The following ANP32A variants were observed in gnomAD, a reference collection of about 807,000 sequenced individuals.
ANP32A encodes the protein acidic leucine-rich nuclear phosphoprotein 32 family member A.
ANP32A carries 1 observed loss-of-function variant against 33.9 expected under a neutral mutation model. The observed-to-expected ratio is 0.03, with a 90% confidence interval of 0.01 to 0.14. ANP32A has a LOEUF of 0.14. ANP32A is among the 10% of genes least tolerant of loss of function. The probability of loss-of-function intolerance (pLI) is 1.00; values close to 1 mark genes in which losing one functional copy is unlikely to be tolerated. For synonymous variants in ANP32A, 115 were observed against 120.5 expected (o/e 0.95, Z 0.30); for missense variants, 155 against 306.0 (o/e 0.51, Z 3.68).
At chr15:68,781,422 C>G (rs1187733659) in intron 5 of ANP32A, 1 of 138,524 alleles carries the variant, frequency 7.2e-6, no homozygotes, top group African/African-American at 2.7e-5. Context: ...ACTCCTGTGA[C>G]AGGAAGAGGA....
intron 1 of ANP32A, among the ~76,000 whole-genome samples, chr15:68,809,123 A>G (rs1345115337): frequency 6.6e-6 from 1 of 152,194 alleles, no homozygotes; most frequent in African/African-American, 2.4e-5. Flanking sequence ...CCCAGGGGTG[A>G]CTGGAGGGGA....
In ANP32A at chr15:68,787,524, G is replaced by A. The variant is rs759411938; in HGVS notation, c.216C>T (p.Ser72=). ...KLNKLKKLEL[S]DNRVSGGLEV... Reference sequence around the variant, plus strand: ...CCAGGCCCCCTGAGACTCTGTTATCGCTTAGTTCAAGCTAAATAAGGCAGG... The same window carrying A: ...CCAGGCCCCCTGAGACTCTGTTATCACTTAGTTCAAGCTAAATAAGGCAGG... The change falls in exon 3 of 7, where the codon AGC becomes AGT. Residue 72 remains serine (S), a synonymous_variant. Transcript: ENST00000465139. 7.4e-6 allele frequency: 12 copies of A among 1,614,104 alleles called. No individual in the cohort carries two copies. Among genetic ancestry groups the A allele is most frequent in the South Asian group, 3.3e-5 (3 of 91,084 alleles).
intron 1 of ANP32A, among the ~76,000 whole-genome samples, chr15:68,815,183 T>C (rs888428982): frequency 2.6e-5 from 4 of 152,152 alleles, no homozygotes; most frequent in Non-Finnish European, 5.9e-5. Context: ...CCCAAATATA[T>C]GGCTTGCCAT....
At chr15:68,784,369 C>A (rs1893906777) in intron 4 of ANP32A, 28 bp downstream of exon 4, 2 of 1,609,228 alleles carry the variant, frequency 1.2e-6, no homozygotes. Flanking sequence ...TGGGCCCCTG[C>A]AGCCCTGGGC....
intron 1 of ANP32A, among the ~76,000 whole-genome samples, chr15:68,807,438 G>GC (rs58853123): frequency 2.0e-5 from 3 of 146,370 alleles, no homozygotes. Context: ...GGGGGGGGGG[G>GC]AGTCTCTCCT....
intron 1 of ANP32A, among the ~76,000 whole-genome samples, chr15:68,820,190 G>C (rs1472357871): frequency 1.3e-5 from 2 of 152,126 alleles, no homozygotes; most frequent in African/African-American, 2.4e-5. Flanking sequence ...GTGTGCGAGC[G>C]AGCGAGCGAG....
intron 1 of ANP32A, chr15:68,812,902 A>G (rs571142494): frequency 3.9e-5 from 6 of 152,358 alleles, no homozygotes; most frequent in African/African-American, 1.4e-4. Context: ...TTCAGAATGG[A>G]GAAAACAGAG....
At chr15:68,795,956 G>C (rs1367576118) in intron 1 of ANP32A, among the ~76,000 whole-genome samples, 3 of 152,278 alleles carry the variant, frequency 2.0e-5, no homozygotes, top group South Asian at 4.1e-4. Flanking sequence ...AACTGTTTTG[G>C]GGTCTGAAGA....
chr15:68,820,632 G>GCACA (rs35802209), intron 1 of ANP32A, 66 bp downstream of exon 1: 11,494 of 914,960 alleles, frequency 0.013, 47 homozygotes, highest in African/African-American at 0.039. Flanking sequence ...CCCCCAGCGC[G>GCACA]CACACACACA....
rs1044270933 is a variant in ANP32A at position 68,820,814 on chromosome 15, C to T, written c.-63G>A. The T allele has an allele frequency of 1.9e-6, 3 of 1,601,720 alleles. No individual in the cohort carries two copies. The African/African-American group carries it at 4.0e-5, about 21-fold the overall frequency. On this transcript the variant is annotated 5_prime_UTR_variant, in exon 1 of 7. Coordinates refer to ENST00000465139, the MANE Select transcript of ANP32A (RefSeq NM_006305.4). The stretch of plus-strand genomic sequence containing the variant: ...CGGAATTCAATCAATAAACCCCGAA[C>T]CCACGGCCGCGCGTTTTAGGACTTT...
chr15:68,788,296 C>G (rs890209723), intron 1 of ANP32A, among the ~76,000 whole-genome samples: 1 of 152,226 alleles, frequency 6.6e-6, no homozygotes, highest in African/African-American at 2.4e-5. Context: ...CATGCACCAG[C>G]CACAGCATTG....
At chr15:68,816,078 C>T (rs1342944825) in intron 1 of ANP32A, among the ~76,000 whole-genome samples, 1 of 152,198 alleles carries the variant, frequency 6.6e-6, no homozygotes, top group African/African-American at 2.4e-5. Context: ...CAGTGCAAGG[C>T]TTCATAAAAT....
intron 1 of ANP32A, among the ~76,000 whole-genome samples, chr15:68,798,386 C>G (rs1894089495): frequency 6.6e-6 from 1 of 152,224 alleles, no homozygotes; most frequent in Non-Finnish European, 1.5e-5. Flanking sequence ...CATCCCACAG[C>G]CGTGGTGTAA....
chr15:68,792,639 C>T (rs1326725231), intron 1 of ANP32A, among the ~76,000 whole-genome samples: 3 of 152,178 alleles, frequency 2.0e-5, no homozygotes, highest in African/African-American at 7.2e-5. Context: ...CTGTTCCCAA[C>T]GTTGCAGCAC....
Position 68,780,308 on chromosome 15 carries a change from G to A in ANP32A, c.688+102C>T, listed in dbSNP as rs147711153. ...GAAGGGGAATCTGAGGCCTCTGACA[G>A]GAGTGTCCTGCCCACTGCCAGGGGC... On this transcript the variant is annotated intron_variant, in intron 6 of 6. Transcript: ENST00000465139. This position sits in a 1 kb window ranked among gnomAD's most constrained non-coding sequence, Gnocchi z 4.3. 6.9e-5 allele frequency: 110 copies of A among 1,588,390 alleles called. No individual in the cohort carries two copies. The African/African-American group carries it at 1.4e-3, about 20-fold the overall frequency.
At chr15:68,800,272 G>A (rs1026550500) in intron 1 of ANP32A, among the ~76,000 whole-genome samples, 8 of 152,090 alleles carry the variant, frequency 5.3e-5, no homozygotes, top group Admixed American at 1.3e-4. Context: ...TCAACAGTCC[G>A]TACAGAGTAT....
At chr15:68,819,898 TG>T (rs1247543136) in intron 1 of ANP32A, among the ~76,000 whole-genome samples, 1 of 151,962 alleles carries the variant, frequency 6.6e-6, no homozygotes, top group African/African-American at 2.4e-5. Context: ...CATCAGCATC[TG>T]GCCCGAAGGT....
At chr15:68,782,761 C>T in intron 5 of ANP32A, 195 bp downstream of exon 5, 1 of 1,015,452 alleles carries the variant, frequency 9.8e-7, no homozygotes, top group Non-Finnish European at 1.4e-6. Flanking sequence ...AATCCAGCCT[C>T]CCCAGAGCTT....
chr15:68,801,751 T>C (rs1220188128), intron 1 of ANP32A: 2 of 154,696 alleles, frequency 1.3e-5, no homozygotes, highest in Admixed American at 6.5e-5. Context: ...CTGTAGCACT[T>C]TGCCAGAATG....
Sources: allele counts gnomAD v4.1 joint callset (sites outside exome capture counted in the v4.1 genomes callset), GRCh38; gene constraint gnomAD v4.1.1; non-coding constraint Gnocchi (gnomAD v3.1); transcripts MANE v1.5; gene names NCBI Gene and HGNC (gene_info 2026-07-23, HGNC 2026-07-21).